Variants in FAM124A observed in about 807,000 individuals in gnomAD.
The protein encoded by FAM124A is family with sequence similarity 124 member A.
FAM124A carries 23 observed loss-of-function variants against 24.5 expected under a neutral mutation model. The observed-to-expected ratio is 0.94, with a 90% CI of 0.68 to 1.33. The LOEUF (loss-of-function observed/expected upper bound fraction) is 1.33, where lower values mean the gene tolerates loss of function less well. FAM124A is among the 40% of genes most tolerant of loss of function. FAM124A has a pLI of 0.00. For synonymous variants in FAM124A, 287 were observed against 314.7 expected, an observed-to-expected ratio of 0.91 and a Z score of 0.93; for missense variants, 623 against 722.8, an observed-to-expected ratio of 0.86 and a Z score of 1.58.
rs1460824041 is a variant in FAM124A, at chr13:51,222,544, G to A, written c.43G>A (p.Val15Met). 2 of 1,225,910 alleles carry A rather than the reference G, an allele frequency of 1.6e-6. No homozygotes were observed. Among genetic ancestry groups the A allele is most frequent in the African/African-American group, 1.6e-5 (1 of 63,792 alleles). The allele number at this position is 1,225,910 out of a possible 1,614,324, so 75.9% of individuals were successfully genotyped here. A position where few individuals can be genotyped will look rare whatever the true frequency, so the allele number is the denominator to read the frequency against. The stretch of plus-strand genomic sequence containing the variant: ...CGGCGGCGGCGAGGAGGACGACTGC[G>A]TGGACTCGGGCGCCGAGACCGGAGG... ...AGGGGEEDDC[V>M]DSGAETGGSD... is the part of the protein sequence containing the mutation. The change falls in exon 1 of 4, where the codon GTG becomes ATG. Residue 15 changes from valine (V) to methionine (M), a missense_variant. Transcript: ENST00000322475.
intron 3 of FAM124A, among the ~76,000 whole-genome samples, chr13:51,256,395 CG>C (rs1954674383): frequency 6.6e-6 from 1 of 152,162 alleles, no homozygotes; most frequent in South Asian, 2.1e-4. Context: ...CTGCAACTAA[CG>C]GTTTTAAATA....
intron 2 of FAM124A, among the ~76,000 whole-genome samples, chr13:51,249,625 C>T (rs1566166907): frequency 6.6e-6 from 1 of 152,212 alleles, no homozygotes; most frequent in Admixed American, 6.5e-5. Context: ...TGTCTTGTTA[C>T]AAGTTAGTAC....
At chr13:51,224,709 T>G (rs1954299117) in intron 1 of FAM124A, among the ~76,000 whole-genome samples, 1 of 152,160 alleles carries the variant, frequency 6.6e-6, no homozygotes, top group African/African-American at 2.4e-5. Context: ...AACAAGTGTT[T>G]GCTATCGTTA....
intron 3 of FAM124A, among the ~76,000 whole-genome samples, chr13:51,268,956 G>A (rs1954814693): frequency 6.6e-6 from 1 of 152,230 alleles, no homozygotes; most frequent in Admixed American, 6.5e-5. Context: ...TGAATAAGAT[G>A]TAAGTAACTT....
chr13:51,262,539 C>T (rs990178090), intron 3 of FAM124A, among the ~76,000 whole-genome samples: 1 of 152,040 alleles, frequency 6.6e-6, no homozygotes, highest in African/African-American at 2.4e-5. Context: ...CACTTATCCC[C>T]AAAAATGTAG....
At chr13:51,233,995 T>C (rs1954407904) in intron 2 of FAM124A, among the ~76,000 whole-genome samples, 1 of 152,156 alleles carries the variant, frequency 6.6e-6, no homozygotes, top group Non-Finnish European at 1.5e-5. Flanking sequence ...TGCCCTACAG[T>C]TGCATTGTCC....
chr13:51,242,603 G>A (rs900167421), intron 2 of FAM124A, among the ~76,000 whole-genome samples: 31 of 152,016 alleles, frequency 2.0e-4, no homozygotes, highest in Admixed American at 7.2e-4. Flanking sequence ...GTTGGTGTCC[G>A]GCTTTTGCTC....
chr13:51,280,141 G>T (rs1954921103), intron 3 of FAM124A, among the ~76,000 whole-genome samples: 1 of 152,190 alleles, frequency 6.6e-6, no homozygotes, highest in Non-Finnish European at 1.5e-5. Flanking sequence ...TGCTCAGCCA[G>T]GCCCATGTTC....
At chr13:51,239,613 A>G (rs1954470789) in intron 2 of FAM124A, among the ~76,000 whole-genome samples, 1 of 152,202 alleles carries the variant, frequency 6.6e-6, no homozygotes, top group Non-Finnish European at 1.5e-5. Flanking sequence ...GCATTGCCAA[A>G]AACATCTTTC....
At chr13:51,278,896 A>ACGTCC (rs984621950) in intron 3 of FAM124A, among the ~76,000 whole-genome samples, 9 of 152,246 alleles carry the variant, frequency 5.9e-5, no homozygotes, top group African/African-American at 1.9e-4. Context: ...GAACATTTAG[A>ACGTCC]CGTCCCCTGG....
chr13:51,259,420 C>T (rs548661474), intron 3 of FAM124A, among the ~76,000 whole-genome samples: 5 of 152,058 alleles, frequency 3.3e-5, no homozygotes, highest in African/African-American at 7.2e-5. Context: ...CTCATCTGCC[C>T]GTGACCCTGT....
At chr13:51,252,313 T>C in intron 3 of FAM124A, 112 bp downstream of exon 3, 1 of 1,412,960 alleles carries the variant, frequency 7.1e-7, no homozygotes, top group Non-Finnish European at 9.4e-7. Flanking sequence ...GAGAGATCAG[T>C]GACCCTCTGC....
intron 2 of FAM124A, among the ~76,000 whole-genome samples, chr13:51,237,827 TGA>T (rs1380394234): frequency 1.3e-5 from 2 of 152,220 alleles, no homozygotes; most frequent in African/African-American, 4.8e-5. Flanking sequence ...GTGTATGGTA[TGA>T]GAGAGCACCC....
intron 3 of FAM124A, among the ~76,000 whole-genome samples, chr13:51,262,785 C>T (rs1451524310): frequency 6.6e-6 from 1 of 152,204 alleles, no homozygotes; most frequent in Non-Finnish European, 1.5e-5. Context: ...GGATTTTTGT[C>T]ATCTCAAGAC....
At chr13:51,223,071 C>G (rs1447334071) in intron 1 of FAM124A, among the ~76,000 whole-genome samples, 3 of 152,130 alleles carry the variant, frequency 2.0e-5, no homozygotes, top group Non-Finnish European at 2.9e-5. Flanking sequence ...TGCCGAGTCC[C>G]CCTCCCCGAC....
intron 2 of FAM124A, among the ~76,000 whole-genome samples, chr13:51,234,243 A>G (rs1410745949): frequency 1.3e-5 from 2 of 152,166 alleles, no homozygotes; most frequent in Admixed American, 1.3e-4. Context: ...AGGGGCAGAA[A>G]TGCTTCCTTG....
chr13:51,266,236 A>G (rs972566104), intron 3 of FAM124A, among the ~76,000 whole-genome samples: 3 of 152,214 alleles, frequency 2.0e-5, no homozygotes, highest in African/African-American at 7.2e-5. Flanking sequence ...GAATATATAA[A>G]AGCTATCATC....
intron 3 of FAM124A, among the ~76,000 whole-genome samples, chr13:51,274,204 T>G (rs1319388879): frequency 1.3e-5 from 2 of 152,220 alleles, no homozygotes; most frequent in African/African-American, 4.8e-5. Flanking sequence ...TTATTAATAG[T>G]ATCTCCTAGG....
At chr13:51,240,082 G>C (rs1436327264) in intron 2 of FAM124A, among the ~76,000 whole-genome samples, 1 of 152,198 alleles carries the variant, frequency 6.6e-6, no homozygotes, top group African/African-American at 2.4e-5. Flanking sequence ...TTCTATCTTT[G>C]TTCAACATCC....
Sources: gnomAD v4.1 joint callset for allele counts (sites outside exome capture counted in the v4.1 genomes callset) on GRCh38, gnomAD v4.1.1 for gene constraint, MANE v1.5 for transcripts, NCBI Gene and HGNC (gene_info 2026-07-23, HGNC 2026-07-21) for gene names.